CISD3: variants seen among roughly 807,000 people sequenced by gnomAD.
CISD3 encodes the protein CDGSH iron-sulfur domain-containing protein 3, mitochondrial.
A neutral mutation model predicts 14.1 loss-of-function variants in CISD3; 11 were observed. The ratio of observed to expected loss-of-function variants is 0.78; its 90% CI spans 0.49 to 1.29. CISD3 has a LOEUF of 1.29. Ranked by LOEUF, CISD3 falls within the 50% of genes most tolerant of loss-of-function variation. The pLI is 0.00. For synonymous variants in CISD3, 53 were observed against 69.2 expected (o/e 0.77, Z 1.16); for missense variants, 156 against 171.6 (o/e 0.91, Z 0.51).
chr17:38,735,359 G>A lies in CISD3; in HGVS notation c.*1904G>A, dbSNP rs1450948881. The A allele has an allele frequency of 5.1e-6, 8 of 1,560,728 alleles. No individual in the cohort carries two copies. Among genetic ancestry groups the A allele is most frequent in the Non-Finnish European group, 7.0e-6 (8 of 1,150,902 alleles). On this transcript the variant is annotated 3_prime_UTR_variant, in exon 4 of 4. Transcript: ENST00000613478. Reference sequence around the variant, plus strand: ...CCCACTGGCTGTCGAAGGGGGAGTGGGGGAGGTAGGGTGGGTGGCTGGAGG... The same window carrying A: ...CCCACTGGCTGTCGAAGGGGGAGTGAGGGAGGTAGGGTGGGTGGCTGGAGG...
chr17:38,731,566 G>A, intron 3 of CISD3, 127 bp downstream of exon 3: 1 of 1,281,694 alleles, frequency 7.8e-7, no homozygotes, highest in Non-Finnish European at 1.1e-6. Flanking sequence ...GGGGGCTTGG[G>A]AACAAAAGGC....
In CISD3 at chr17:38,733,600, C is replaced by A. The variant is rs931246136; in HGVS notation, c.*145C>A. 166 of 873,886 alleles carry A rather than the reference C, an allele frequency of 1.9e-4. 1 individual carries two copies. The South Asian group carries it at 2.5e-3, about 13-fold the overall frequency. The allele number at this position is 873,886 out of a possible 1,614,324, so 54.1% of individuals were successfully genotyped here. On this transcript the variant is annotated 3_prime_UTR_variant, in exon 4 of 4. Coordinates refer to ENST00000613478, the MANE Select transcript of CISD3 (RefSeq NM_001136498.2). ...ATGAAGGAAGAATTATTCCTTATAA[C>A]CTAAAAGTCTCCAGTCTGGGGCAGG...
rs535247574 is a variant in CISD3, at chr17:38,730,405, G to C, written c.47G>C (p.Arg16Pro). ...CTGCGGCCGGCGGCGCGTGGTGCCCGGGTGAGCACCCCCGCCCTGCACCAG... is the reference window on the plus strand; with the variant it reads ...CTGCGGCCGGCGGCGCGTGGTGCCCCGGTGAGCACCCCCGCCCTGCACCAG... ...AILRPAARGA[R>P]DLNPRRDISS... The change falls in exon 1 of 4, where the codon CGG (arginine) becomes CCG (proline). Residue 16 changes from arginine to proline, a missense_variant and splice_region_variant. Physicochemically the swap from Arg to Pro is moderately radical, Grantham distance 103. Transcript: ENST00000613478. 1.4e-4 allele frequency: 173 copies of C among 1,217,846 alleles called. 1 individual carries two copies. In the South Asian group the frequency reaches 4.7e-3, roughly 33 times the overall value. 75.4% of individuals were successfully genotyped at this position (1,217,846 alleles called of 1,614,324 possible).
At chr17:38,731,065 G>A in intron 2 of CISD3, 1 of 641,306 alleles carries the variant, frequency 1.6e-6, no homozygotes, top group Non-Finnish European at 2.7e-6. Context: ...TAGCACGCAG[G>A]TGGGAGCCAG....
chr17:38,730,634 G>A, intron 1 of CISD3, 126 bp from the exon 2 acceptor site: 1 of 968,368 alleles, frequency 1.0e-6, no homozygotes. Context: ...TTCCTCCCTC[G>A]CCCCTTCAGC....
In CISD3 at chr17:38,733,518, C is replaced by A; in HGVS notation, c.*63C>A. ...CCAGGCCTCTGACAGGCACCCCCTTCTGTGGGAAAGGAAACAGGTGCTGAG... is the reference window on the plus strand; with the variant it reads ...CCAGGCCTCTGACAGGCACCCCCTTATGTGGGAAAGGAAACAGGTGCTGAG... On this transcript the variant is annotated 3_prime_UTR_variant, in exon 4 of 4. Transcript: ENST00000613478. The A allele has an allele frequency of 7.0e-7, 1 of 1,435,610 alleles. No individual in the cohort carries two copies. The highest frequency in any genetic ancestry group is 2.5e-5 in the East Asian group (1 of 39,974). 88.9% of individuals were successfully genotyped at this position (1,435,610 alleles called of 1,614,324 possible).
chr17:38,733,751 A>C lies in CISD3; in HGVS notation c.*296A>C, dbSNP rs1906461523. The C allele has an allele frequency of 5.5e-6, 2 of 364,688 alleles. No homozygotes were observed. Among genetic ancestry groups the C allele is most frequent in the African/African-American group, 2.1e-5 (1 of 47,392 alleles). The allele number at this position is 364,688 out of a possible 1,614,324, so 22.6% of individuals were successfully genotyped here. A position where few individuals can be genotyped will look rare whatever the true frequency, so the allele number is the denominator to read the frequency against. Reference sequence around the variant, plus strand: ...CGTGCTGCCTCCTGCTCCAGATTTTAACCTCTCTGTGGGCTGGGGGCACCT... The same window carrying C: ...CGTGCTGCCTCCTGCTCCAGATTTTCACCTCTCTGTGGGCTGGGGGCACCT... On this transcript the variant is annotated 3_prime_UTR_variant, in exon 4 of 4. Coordinates refer to ENST00000613478, the MANE Select transcript of CISD3 (RefSeq NM_001136498.2).
chr17:38,735,253 G>C lies in CISD3; in HGVS notation c.*1798G>C, dbSNP rs753673427. On this transcript the variant is annotated 3_prime_UTR_variant, in exon 4 of 4. Coordinates refer to ENST00000613478, the MANE Select transcript of CISD3 (RefSeq NM_001136498.2). Reference sequence around the variant, plus strand: ...TTAAGGGGGGCACGGGAGCGCCGTTGACAGTCATCTTGCGCCCCCTGCTGG... The same window carrying C: ...TTAAGGGGGGCACGGGAGCGCCGTTCACAGTCATCTTGCGCCCCCTGCTGG... 1 of 1,458,158 alleles carries C rather than the reference G, an allele frequency of 6.9e-7. No homozygotes were observed. The highest frequency in any genetic ancestry group is 1.4e-5 in the African/African-American group (1 of 71,002). 90.3% of individuals were successfully genotyped at this position (1,458,158 alleles called of 1,614,324 possible).
intron 1 of CISD3, 50 bp from the exon 2 acceptor site, chr17:38,730,710 G>T (rs747009376): frequency 6.5e-6 from 10 of 1,547,548 alleles, no homozygotes; most frequent in Non-Finnish European, 7.9e-6. Flanking sequence ...TTATTTTTCC[G>T]TTTCCAAACC....
At position 38,734,200 on chromosome 17, in the gene CISD3, T is replaced by G. The variant is rs1906498757; in HGVS notation, c.*745T>G. ...GGGTCAGAGCTTACAGGTTTCTGTC[T>G]TCTTGTGCTTTTAGATGCAGTTGCT... is the stretch of plus-strand genomic sequence containing the variant. On this transcript the variant is annotated 3_prime_UTR_variant, in exon 4 of 4. Coordinates refer to ENST00000613478, the MANE Select transcript of CISD3 (RefSeq NM_001136498.2). 2 of 152,514 alleles carry G rather than the reference T, an allele frequency of 1.3e-5. No homozygotes were observed. The highest frequency in any genetic ancestry group is 2.9e-5 in the Non-Finnish European group (2 of 68,108). The allele number at this position is 152,514 out of a possible 1,614,324, so 9.4% of individuals were successfully genotyped here.
Position 38,735,250 on chromosome 17 carries a change from G to C in CISD3, c.*1795G>C. The C allele has an allele frequency of 1.4e-6, 2 of 1,455,552 alleles. No individual in the cohort carries two copies. The highest frequency in any genetic ancestry group is 1.8e-6 in the Non-Finnish European group (2 of 1,093,212). The allele number at this position is 1,455,552 out of a possible 1,614,324, so 90.2% of individuals were successfully genotyped here. On this transcript the variant is annotated 3_prime_UTR_variant, in exon 4 of 4. Coordinates refer to ENST00000613478, the MANE Select transcript of CISD3 (RefSeq NM_001136498.2). ...AAGTTAAGGGGGGCACGGGAGCGCCGTTGACAGTCATCTTGCGCCCCCTGC... is the reference window on the plus strand; with the variant it reads ...AAGTTAAGGGGGGCACGGGAGCGCCCTTGACAGTCATCTTGCGCCCCCTGC...
At chr17:38,733,230 C>CTGCCG (rs1567936350) in intron 3 of CISD3, 46 bp from the exon 4 acceptor site, 9 of 1,546,792 alleles carry the variant, frequency 5.8e-6, no homozygotes, top group Non-Finnish European at 5.2e-6. Flanking sequence ...CTGCCCTGCC[C>CTGCCG]CAGCAGGTGG....
intron 1 of CISD3, 106 bp downstream of exon 1, chr17:38,730,512 C>G: frequency 1.9e-6 from 2 of 1,028,760 alleles, no homozygotes; most frequent in Non-Finnish European, 1.4e-6. Flanking sequence ...GCTCCCGGCC[C>G]GTCCCGCCGG....
chr17:38,733,404 C>A lies in CISD3; in HGVS notation c.333C>A (p.Gly111=), dbSNP rs1906435416. 6 of 1,551,492 alleles carry A rather than the reference C, an allele frequency of 3.9e-6. No individual in the cohort carries two copies. In the South Asian group the frequency reaches 7.1e-5, roughly 18 times the overall value. ...CTCAGAGGCCCCCGTACTGCGATGG[C>A]ACCCACAGGAGTGAGCGCGTGCAGA... ...KATQRPPYCD[G]THRSERVQKA... is the part of the protein sequence containing the mutation. The change falls in exon 4 of 4, where the codon GGC becomes GGA. Residue 111 remains glycine, a synonymous_variant. Transcript: ENST00000613478.
In CISD3 at chr17:38,733,481, G is replaced by A; in HGVS notation, c.*26G>A. 6.7e-7 allele frequency: 1 copy of A among 1,496,662 alleles called. No homozygotes were observed. Among genetic ancestry groups the A allele is most frequent in the Non-Finnish European group, 8.9e-7 (1 of 1,118,584 alleles). 92.7% of individuals were successfully genotyped at this position (1,496,662 alleles called of 1,614,324 possible). On this transcript the variant is annotated 3_prime_UTR_variant, in exon 4 of 4. Coordinates refer to ENST00000613478, the MANE Select transcript of CISD3 (RefSeq NM_001136498.2). ...GGGGGCTGCTGCTGTCCAGCCACAGGTGGCCTTGGCTCCAGGCCTCTGACA... is the reference window on the plus strand; with the variant it reads ...GGGGGCTGCTGCTGTCCAGCCACAGATGGCCTTGGCTCCAGGCCTCTGACA...
rs1312281724 is a variant in CISD3 at position 38,733,375 on chromosome 17, G to T, written c.304G>T (p.Ala102Ser). The T allele has an allele frequency of 1.9e-6, 3 of 1,551,566 alleles. No individual in the cohort carries two copies. In the African/African-American group the frequency reaches 4.1e-5, roughly 21 times the overall value. Reference sequence around the variant, plus strand: ...CATGGTGGCACTCTGTACCTGCAAGGCCACTCAGAGGCCCCCGTACTGCGA... The same window carrying T: ...CATGGTGGCACTCTGTACCTGCAAGTCCACTCAGAGGCCCCCGTACTGCGA... ...TRMVALCTCKATQRPPYCDGT... is the reference protein window; with the variant it reads ...TRMVALCTCKSTQRPPYCDGT... Residue 102 changes from alanine to serine, a missense_variant, in exon 4 of 4, where the codon GCC becomes TCC. Coordinates refer to ENST00000613478, the MANE Select transcript of CISD3 (RefSeq NM_001136498.2).
rs1238159094 is a variant in CISD3, at chr17:38,733,403, G to A, written c.332G>A (p.Gly111Asp). ...ACTCAGAGGCCCCCGTACTGCGATG[G>A]CACCCACAGGAGTGAGCGCGTGCAG... ...KATQRPPYCD[G>D]THRSERVQKA... is the part of the protein sequence containing the mutation. Residue 111 changes from glycine to aspartate, a missense_variant, in exon 4 of 4, where the codon GGC (glycine) becomes GAC (aspartate). Transcript: ENST00000613478. The A allele has an allele frequency of 2.6e-6, 4 of 1,551,322 alleles. No homozygotes were observed. Among genetic ancestry groups the A allele is most frequent in the South Asian group, 1.2e-5 (1 of 84,060 alleles).
rs1906633985 is a variant in CISD3, at chr17:38,735,517, G to C, written c.*2062G>C. The C allele has an allele frequency of 6.3e-7, 1 of 1,590,806 alleles. No individual in the cohort carries two copies. Among genetic ancestry groups the C allele is most frequent in the African/African-American group, 1.3e-5 (1 of 74,402 alleles). On this transcript the variant is annotated 3_prime_UTR_variant, in exon 4 of 4. Coordinates refer to ENST00000613478, the MANE Select transcript of CISD3 (RefSeq NM_001136498.2). ...ACTCGGACGCCCCGCTGGTGTTGGT[G>C]CCCTCGGAGGGGGTGGGCACCGTGG...
In CISD3 at chr17:38,732,657, G is replaced by C. The variant is rs1166775718; in HGVS notation, c.205-619G>C. ...GTCAAAAAAAAAGGCCTTGGCACCA[G>C]CTCTGCCTTCAGCTAGCAAGGCATG... is the stretch of plus-strand genomic sequence containing the variant. On this transcript the variant is annotated intron_variant, in intron 3 of 3. Coordinates refer to ENST00000613478, the MANE Select transcript of CISD3 (RefSeq NM_001136498.2). 2.0e-5 allele frequency among the ~76,000 whole-genome samples: 3 copies of C among 152,096 alleles called. No individual in the cohort carries two copies. The East Asian group carries it at 5.8e-4, about 29-fold the overall frequency.
Sources: gnomAD v4.1 joint callset for allele counts (sites outside exome capture counted in the v4.1 genomes callset) on GRCh38, gnomAD v4.1.1 for gene constraint, MANE v1.5 for transcripts, NCBI Gene and HGNC (gene_info 2026-07-23, HGNC 2026-07-21) for gene names.